Variants in NPTN observed in about 807,000 individuals in gnomAD.
NPTN encodes the protein neuroplastin.
NPTN carries 5 observed loss-of-function variants against 42.7 expected under a neutral mutation model. The observed-to-expected ratio is 0.12, with a 90% CI of 0.06 to 0.25. The LOEUF (loss-of-function observed/expected upper bound fraction) is 0.25. Among genes scored for constraint, NPTN ranks in the 10% least tolerant of loss-of-function variants. The probability of loss-of-function intolerance (pLI) is 1.00; values close to 1 mark genes in which losing one functional copy is unlikely to be tolerated. For missense variants in NPTN, 307 were observed against 525.4 expected (o/e 0.58, Z 4.06); for synonymous variants, 180 against 201.9 (o/e 0.89, Z 0.92).
chr15:73,567,757 G>A (rs1210108777), intron 6 of NPTN: 8 of 985,352 alleles, frequency 8.1e-6, no homozygotes, highest in Non-Finnish European at 9.6e-6. Context: ...AGCAAGGGCA[G>A]GGTGTGAAGA....
At chr15:73,562,108 AT>A (rs1894712142) in intron 7 of NPTN, 138 bp from the exon 8 acceptor site, 3 of 645,780 alleles carry the variant, frequency 4.6e-6, no homozygotes, top group Non-Finnish European at 8.3e-6. Context: ...ATATGAGTGC[AT>A]AAAAAAACAT....
At chr15:73,583,534 CAAT>C (rs1160494549) in intron 4 of NPTN, among the ~76,000 whole-genome samples, 1 of 152,130 alleles carries the variant, frequency 6.6e-6, no homozygotes, top group African/African-American at 2.4e-5. Context: ...AGTAAGTGTG[CAAT>C]AATGTTAGCT....
chr15:73,563,643 T>C (rs1894817359), intron 6 of NPTN: 1 of 856,188 alleles, frequency 1.2e-6, no homozygotes, highest in Non-Finnish European at 1.4e-6. Context: ...GTTTGTTTTC[T>C]TGTGGTGAAT....
chr15:73,588,483 A>G (rs1235274265), intron 3 of NPTN, among the ~76,000 whole-genome samples: 1 of 152,190 alleles, frequency 6.6e-6, no homozygotes, highest in African/African-American at 2.4e-5. Context: ...CATGCAGCAA[A>G]AAGTCTGGTG....
chr15:73,573,554 G>C (rs990511447), intron 5 of NPTN, 108 bp downstream of exon 5: 82 of 1,273,356 alleles, frequency 6.4e-5, no homozygotes, highest in Non-Finnish European at 7.7e-5. Flanking sequence ...GGTGACCCTC[G>C]CCATGCACAC....
At chr15:73,567,138 A>C in intron 6 of NPTN, 1 of 983,512 alleles carries the variant, frequency 1.0e-6, no homozygotes, top group Middle Eastern at 5.2e-4. Flanking sequence ...TTGTGCTTTT[A>C]TACTTTTGTA....
rs578222854 is a variant in NPTN, at chr15:73,576,042, T to G, written c.707-2247A>C. ...CTACTCAGTCACTTCTTAGGCTGAC[T>G]GTTCAACCTGGTCACCCTTTCTCAG... On this transcript the variant is annotated intron_variant, in intron 4 of 8. Transcript: ENST00000345330. Among the ~76,000 whole-genome samples the G allele has an allele frequency of 9.2e-5, 14 of 152,372 alleles. No homozygotes were observed. The South Asian group carries it at 2.7e-3, about 29-fold the overall frequency.
At chr15:73,618,169 C>T (rs1169986651) in intron 1 of NPTN, among the ~76,000 whole-genome samples, 6 of 152,230 alleles carry the variant, frequency 3.9e-5, no homozygotes, top group Admixed American at 3.9e-4. Context: ...GATGTCCTCA[C>T]TTCCATCAGG....
chr15:73,594,674 T>A (rs1896750609), intron 2 of NPTN, among the ~76,000 whole-genome samples: 1 of 152,062 alleles, frequency 6.6e-6, no homozygotes. Flanking sequence ...TTAGGAGAAG[T>A]TCAAATGTGT....
At chr15:73,600,377 T>C (rs1028172498) in intron 1 of NPTN, among the ~76,000 whole-genome samples, 2 of 152,368 alleles carry the variant, frequency 1.3e-5, no homozygotes, top group East Asian at 1.9e-4. Flanking sequence ...AGAGTAACAG[T>C]GACATTTTCT....
intron 1 of NPTN, among the ~76,000 whole-genome samples, chr15:73,612,626 C>T (rs890372303): frequency 2.8e-4 from 42 of 152,000 alleles, no homozygotes; most frequent in Non-Finnish European, 5.0e-4. Flanking sequence ...AAAAATTAGC[C>T]GGGCGTGGTG....
chr15:73,631,741 G>GA (rs978758584), intron 1 of NPTN, among the ~76,000 whole-genome samples: 2 of 152,118 alleles, frequency 1.3e-5, no homozygotes, highest in African/African-American at 2.4e-5. Context: ...TTCCTTCACA[G>GA]AAAAAATATT....
intron 2 of NPTN, among the ~76,000 whole-genome samples, chr15:73,594,162 AT>A (rs1395972058): frequency 6.6e-6 from 1 of 152,186 alleles, no homozygotes; most frequent in Non-Finnish European, 1.5e-5. Context: ...TTATTATCCA[AT>A]TTCATTTTCT....
chr15:73,612,702 G>A (rs1340510822), intron 1 of NPTN, among the ~76,000 whole-genome samples: 4 of 152,094 alleles, frequency 2.6e-5, no homozygotes, highest in East Asian at 1.9e-4. Flanking sequence ...CCCGGGAGGC[G>A]GAGCTTGCAG....
chr15:73,610,444 G>A (rs982459485), intron 1 of NPTN, among the ~76,000 whole-genome samples: 2 of 152,262 alleles, frequency 1.3e-5, no homozygotes, highest in Middle Eastern at 6.8e-3. Context: ...CTGCATATGA[G>A]TGAGAACATG....
At chr15:73,562,563 T>A (rs984882464) in intron 7 of NPTN, among the ~76,000 whole-genome samples, 1 of 152,196 alleles carries the variant, frequency 6.6e-6, no homozygotes, top group African/African-American at 2.4e-5. Context: ...TTAACAAATT[T>A]GGGTGCTGTT....
Position 73,633,224 on chromosome 15 carries a change from G to A in NPTN, c.-9C>T, listed in dbSNP as rs202186501. 7.4e-5 allele frequency: 109 copies of A among 1,482,070 alleles called. No individual in the cohort carries two copies. In the African/African-American group the frequency reaches 1.3e-3, roughly 17 times the overall value. 91.8% of individuals were successfully genotyped at this position (1,482,070 alleles called of 1,614,324 possible). A position where few individuals can be genotyped will look rare whatever the true frequency, so the allele number is the denominator to read the frequency against. On this transcript the variant is annotated 5_prime_UTR_variant, in exon 1 of 9. Transcript: ENST00000345330. ...AGCGACGAACCCGACATCCTCCCTA[G>A]CAGAAGACCCAACAGCGAATGGGCC...
chr15:73,567,002 CTTT>C (rs10539085), intron 6 of NPTN: 41,525 of 797,352 alleles, frequency 0.052, 2 homozygotes, highest in Non-Finnish European at 0.056. Flanking sequence ...AGACATGGGG[CTTT>C]TTTTTTTTTT....
At chr15:73,593,953 G>A (rs562791035) in intron 2 of NPTN, among the ~76,000 whole-genome samples, 1 of 152,238 alleles carries the variant, frequency 6.6e-6, no homozygotes, top group Admixed American at 6.5e-5. Flanking sequence ...GCCTTAAGAA[G>A]TCGAGCAGAA....
Sources: allele counts gnomAD v4.1 joint callset (sites outside exome capture counted in the v4.1 genomes callset), GRCh38; gene constraint gnomAD v4.1.1; transcripts MANE v1.5; gene names NCBI Gene and HGNC (gene_info 2026-07-23, HGNC 2026-07-21).